LINGO2: variants seen among roughly 807,000 people sequenced by gnomAD.
LINGO2 encodes the protein leucine-rich repeat and immunoglobulin-like domain-containing nogo receptor-interacting protein 2.
In LINGO2, 14 loss-of-function variants were observed where a neutral mutation model predicts 30.6. That is an observed-to-expected ratio of 0.46 (90% CI 0.30 to 0.72). LINGO2 has a LOEUF of 0.72. Ranked by LOEUF, LINGO2 falls within the 30% of genes least tolerant of loss-of-function variation. The probability of loss-of-function intolerance (pLI) is 0.07; values close to 1 mark genes in which losing one functional copy is unlikely to be tolerated. For synonymous variants in LINGO2, 317 were observed against 288.5 expected, an observed-to-expected ratio of 1.10 and a Z score of -1.00; for missense variants, 729 against 751.7, an observed-to-expected ratio of 0.97 and a Z score of 0.35.
At chr9:28,213,772 A>G (rs1027023301) in intron 4 of LINGO2, among the ~76,000 whole-genome samples, 4 of 151,544 alleles carry the variant, frequency 2.6e-5, no homozygotes, top group African/African-American at 9.7e-5. Flanking sequence ...TAAACATTTT[A>G]TGTTAGTACT....
chr9:28,268,648 T>C (rs538869635), intron 4 of LINGO2, among the ~76,000 whole-genome samples: 1 of 152,230 alleles, frequency 6.6e-6, no homozygotes, highest in South Asian at 2.1e-4. Context: ...TACATGAGTA[T>C]AAAATTAAAT....
chr9:28,749,080 C>T, the LINGO2 span, among the ~76,000 whole-genome samples: 1 of 151,868 alleles, frequency 6.6e-6, no homozygotes, highest in Non-Finnish European at 1.5e-5. Context: ...CAAATCATAC[C>T]TAACTTTCAA....
At chr9:29,169,868 C>G in the LINGO2 span, among the ~76,000 whole-genome samples, 6 of 152,112 alleles carry the variant, frequency 3.9e-5, no homozygotes, top group South Asian at 1.2e-3. Context: ...TGTGGTGGCA[C>G]GCGCCTGTAG....
At chr9:28,419,881 G>T (rs1240433073) in intron 2 of LINGO2, among the ~76,000 whole-genome samples, 1 of 151,922 alleles carries the variant, frequency 6.6e-6, no homozygotes, top group Non-Finnish European at 1.5e-5. Flanking sequence ...AAAGTAATAA[G>T]TAAGGTGGCT....
intron 4 of LINGO2, among the ~76,000 whole-genome samples, chr9:28,108,949 T>C (rs933518515): frequency 6.6e-6 from 1 of 151,510 alleles, no homozygotes; most frequent in African/African-American, 2.4e-5. Flanking sequence ...TACTTCATGC[T>C]ATAAAAAAAA....
At chr9:28,750,499 G>A in the LINGO2 span, among the ~76,000 whole-genome samples, 1 of 152,046 alleles carries the variant, frequency 6.6e-6, no homozygotes, top group Non-Finnish European at 1.5e-5. Flanking sequence ...AGAAGGCTCT[G>A]GGCCCTCAGA....
chr9:28,530,077 T>C (rs1817448625), intron 1 of LINGO2, among the ~76,000 whole-genome samples: 3 of 151,928 alleles, frequency 2.0e-5, no homozygotes, highest in African/African-American at 4.8e-5. Flanking sequence ...TGAAAGCTGG[T>C]TGGAGCAGGG....
the LINGO2 span, among the ~76,000 whole-genome samples, chr9:28,896,795 G>C: frequency 1.3e-5 from 2 of 151,888 alleles, no homozygotes; most frequent in African/African-American, 4.8e-5. Flanking sequence ...TAATAATTTA[G>C]GGATTTAAGC....
At chr9:28,837,651 TATATATATAC>T in the LINGO2 span, among the ~76,000 whole-genome samples, 142 of 98,216 alleles carry the variant, frequency 1.4e-3, 12 homozygotes, top group African/African-American at 3.8e-3. Flanking sequence ...CCGTCTAAAA[TATATATATAC>T]ATATATATAT....
At chr9:28,532,549 C>G (rs1028989623) in intron 1 of LINGO2, among the ~76,000 whole-genome samples, 2 of 151,914 alleles carry the variant, frequency 1.3e-5, no homozygotes, top group Non-Finnish European at 1.5e-5. Flanking sequence ...ATTGAGGGTA[C>G]TTTTTCAAGC....
intron 4 of LINGO2, among the ~76,000 whole-genome samples, chr9:28,043,825 C>T (rs1276573647): frequency 6.6e-6 from 1 of 152,100 alleles, no homozygotes; most frequent in Non-Finnish European, 1.5e-5. Context: ...TATTTAAAAG[C>T]CTGATAGCTA....
the LINGO2 span, among the ~76,000 whole-genome samples, chr9:28,997,250 G>T: frequency 6.6e-6 from 1 of 151,954 alleles, no homozygotes. Context: ...GCAACACAGT[G>T]AGACCCTGTC....
the LINGO2 span, among the ~76,000 whole-genome samples, chr9:28,737,500 T>C: frequency 6.6e-6 from 1 of 152,148 alleles, no homozygotes; most frequent in East Asian, 1.9e-4. Flanking sequence ...TGATCCCCAT[T>C]TTACAGATGA....
chr9:28,714,196 T>C, the LINGO2 span, among the ~76,000 whole-genome samples: 36,340 of 133,282 alleles, frequency 0.27, 6,020 homozygotes, highest in Admixed American at 0.4. Flanking sequence ...TATACACACA[T>C]ACACACACAC....
the LINGO2 span, among the ~76,000 whole-genome samples, chr9:28,722,319 T>C: frequency 2.0e-5 from 3 of 152,150 alleles, no homozygotes; most frequent in African/African-American, 4.8e-5. Flanking sequence ...TTTTGGGCTA[T>C]ACATTTTGAA....
intron 1 of LINGO2, among the ~76,000 whole-genome samples, chr9:28,569,708 A>G (rs1165990506): frequency 6.6e-6 from 1 of 151,962 alleles, no homozygotes; most frequent in Non-Finnish European, 1.5e-5. Context: ...TCTAACATAC[A>G]GCATGGTTAC....
At chr9:28,904,778 A>T in the LINGO2 span, among the ~76,000 whole-genome samples, 2 of 152,048 alleles carry the variant, frequency 1.3e-5, no homozygotes, top group Admixed American at 1.3e-4. Flanking sequence ...TACCCAAAGC[A>T]ATCTACAGAT....
intron 1 of LINGO2, among the ~76,000 whole-genome samples, chr9:28,514,726 A>G (rs1587789378): frequency 6.6e-6 from 1 of 152,328 alleles, no homozygotes; most frequent in East Asian, 1.9e-4. Context: ...CTGATAAAGA[A>G]GCTGCAGCAA....
the LINGO2 span, among the ~76,000 whole-genome samples, chr9:29,178,552 CA>C: frequency 1.3e-5 from 2 of 150,898 alleles, no homozygotes; most frequent in Non-Finnish European, 3.0e-5. Context: ...TATACTGTAG[CA>C]AAAAAAAGAC....
Sources: allele counts gnomAD v4.1 joint callset (sites outside exome capture counted in the v4.1 genomes callset), GRCh38; gene constraint gnomAD v4.1.1; transcripts MANE v1.5; gene names NCBI Gene and HGNC (gene_info 2026-07-23, HGNC 2026-07-21).